Variants in IL1RAPL2 observed in about 807,000 individuals in gnomAD.
The protein encoded by IL1RAPL2 is interleukin 1 receptor accessory protein like 2.
A neutral mutation model predicts 44.1 loss-of-function variants in IL1RAPL2; 3 were observed. The ratio of observed to expected loss-of-function variants is 0.07; its 90% CI spans 0.03 to 0.18. The LOEUF is 0.18. Among genes scored for constraint, IL1RAPL2 ranks in the 10% least tolerant of loss-of-function variants. The pLI, the probability that IL1RAPL2 is intolerant of heterozygous loss-of-function variation, is 1.00. For missense variants in IL1RAPL2, 391 were observed against 496.4 expected (o/e 0.79, Z 2.02); for synonymous variants, 181 against 178.8 (o/e 1.01, Z -0.10).
chrX:105,497,149 GTATCA>G (rs1277556605), intron 6 of IL1RAPL2, among the ~76,000 whole-genome samples: 1 of 111,585 alleles, frequency 9.0e-6, no homozygotes, highest in Non-Finnish European at 1.9e-5. Context: ...TCACAATAAA[GTATCA>G]TATCATCTCA....
intron 5 of IL1RAPL2, among the ~76,000 whole-genome samples, chrX:105,279,699 C>T (rs183216018): frequency 1.8e-5 from 2 of 111,687 alleles, no homozygotes; most frequent in African/African-American, 3.3e-5. Flanking sequence ...AGGATGGTCT[C>T]GATCTCTTGA....
intron 2 of IL1RAPL2, among the ~76,000 whole-genome samples, chrX:104,943,979 G>C (rs750270417): frequency 1.8e-5 from 2 of 111,227 alleles, no homozygotes; most frequent in Non-Finnish European, 3.8e-5. Flanking sequence ...ATTATTTTTG[G>C]TGACCCTAAA....
intron 5 of IL1RAPL2, among the ~76,000 whole-genome samples, chrX:105,339,425 A>G (rs1376664849): frequency 1.8e-5 from 2 of 112,053 alleles, no homozygotes; most frequent in Non-Finnish European, 3.8e-5. Flanking sequence ...TTAATAATAT[A>G]TGGAGCATTT....
At chrX:105,695,426 AT>A (rs2038069089) in intron 6 of IL1RAPL2, among the ~76,000 whole-genome samples, 1 of 111,953 alleles carries the variant, frequency 8.9e-6, no homozygotes, top group African/African-American at 3.2e-5. Flanking sequence ...GCTAGATGAT[AT>A]TAGCCTATGG....
intron 5 of IL1RAPL2, among the ~76,000 whole-genome samples, chrX:105,447,322 AAT>A (rs1181200771): frequency 6.3e-5 from 4 of 63,294 alleles, no homozygotes; most frequent in African/African-American, 1.3e-4. Flanking sequence ...AATATATATA[AAT>A]ATATATAAAA....
intron 2 of IL1RAPL2, among the ~76,000 whole-genome samples, chrX:104,711,534 A>G (rs1163623676): frequency 9.0e-6 from 1 of 110,699 alleles, no homozygotes; most frequent in Admixed American, 9.7e-5. Context: ...GTATAGGAAA[A>G]TAATGAAAGA....
rs768048153 is a variant in IL1RAPL2 at position 105,717,335 on chromosome X, C to T, written c.773-32C>T. ...CTGTCTCCCACTGATAATCAGGAGT[C>T]ATTTGCTCATTTCTTTTTCTCTCAT... is the stretch of plus-strand genomic sequence containing the variant. On this transcript the variant is annotated intron_variant, in intron 6 of 10. Transcript: ENST00000372582. 67 of 1,148,871 alleles carry T rather than the reference C, an allele frequency of 5.8e-5. No homozygotes were observed. The Middle Eastern group carries it at 7.3e-4, about 13-fold the overall frequency. 94.7% of individuals were successfully genotyped at this position (1,148,871 alleles called of 1,213,427 possible). A position where few individuals can be genotyped will look rare whatever the true frequency, so the allele number is the denominator to read the frequency against.
At chrX:105,519,915 T>C (rs1361792786) in intron 6 of IL1RAPL2, among the ~76,000 whole-genome samples, 1 of 111,986 alleles carries the variant, frequency 8.9e-6, no homozygotes, top group Non-Finnish European at 1.9e-5. Flanking sequence ...TGAAAAACTC[T>C]GCATTCTATT....
At chrX:105,349,493 G>C (rs772299616) in intron 5 of IL1RAPL2, among the ~76,000 whole-genome samples, 19 of 111,709 alleles carry the variant, frequency 1.7e-4, no homozygotes, top group Non-Finnish European at 3.4e-4. Flanking sequence ...AAGTATAATG[G>C]TATGAGAATT....
At chrX:105,599,610 CT>C (rs915527898) in intron 6 of IL1RAPL2, among the ~76,000 whole-genome samples, 1 of 110,997 alleles carries the variant, frequency 9.0e-6, no homozygotes. Flanking sequence ...ATATTTCAAT[CT>C]TTTTTTAAAA....
chrX:104,707,630 G>A (rs73243896), intron 2 of IL1RAPL2, among the ~76,000 whole-genome samples: 2 of 111,418 alleles, frequency 1.8e-5, no homozygotes, highest in Non-Finnish European at 3.8e-5. Context: ...GGTGTTTATA[G>A]CTATTAACTG....
chrX:105,158,414 A>T, intron 2 of IL1RAPL2, among the ~76,000 whole-genome samples: 1 of 112,151 alleles, frequency 8.9e-6, no homozygotes, highest in Admixed American at 9.4e-5. Flanking sequence ...CAGTCTTCAC[A>T]TGTCCAAAAC....
intron 5 of IL1RAPL2, among the ~76,000 whole-genome samples, chrX:105,298,233 G>C (rs1170477203): frequency 8.9e-6 from 1 of 111,757 alleles, no homozygotes; most frequent in Non-Finnish European, 1.9e-5. Context: ...CTGGAACTTA[G>C]TTCTCTTATC....
At chrX:105,221,315 A>G (rs1346326458) in intron 3 of IL1RAPL2, among the ~76,000 whole-genome samples, 5 of 110,562 alleles carry the variant, frequency 4.5e-5, no homozygotes, top group African/African-American at 1.6e-4. Context: ...CTACAGACAC[A>G]TACAATCAGA....
At chrX:105,211,923 TA>T (rs1556158455) in intron 3 of IL1RAPL2, among the ~76,000 whole-genome samples, 1 of 112,142 alleles carries the variant, frequency 8.9e-6, no homozygotes, top group Non-Finnish European at 1.9e-5. Context: ...GGGACAATGC[TA>T]CCCAGCTGGG....
rs769279806 is a variant in IL1RAPL2, at chrX:104,654,291, T to A, written c.-19-4604T>A. Among the ~76,000 whole-genome samples, 10 of 111,521 alleles carry A rather than the reference T, an allele frequency of 9.0e-5. No homozygotes were observed. The East Asian group carries it at 2.5e-3, about 28-fold the overall frequency. ...TGTAAATGCTGATCAGTCTTATGAATAAAACAAACAAAGAGGTGAGCTAGA... is the reference window on the plus strand; with the variant it reads ...TGTAAATGCTGATCAGTCTTATGAAAAAAACAAACAAAGAGGTGAGCTAGA... On this transcript the variant is annotated intron_variant, in intron 1 of 10. Coordinates refer to ENST00000372582, the MANE Select transcript of IL1RAPL2 (RefSeq NM_017416.2).
intron 6 of IL1RAPL2, among the ~76,000 whole-genome samples, chrX:105,556,872 C>CA (rs2036900379): frequency 1.8e-5 from 2 of 111,396 alleles, no homozygotes; most frequent in South Asian, 3.7e-4. Flanking sequence ...GAAACAAATA[C>CA]AAAAAATAAA....
chrX:105,275,210 C>CAA (rs71914725), intron 5 of IL1RAPL2, among the ~76,000 whole-genome samples: 2 of 94,199 alleles, frequency 2.1e-5, no homozygotes, highest in Middle Eastern at 5.2e-3. Flanking sequence ...GACTCCATCT[C>CAA]AAAAAAAAAA....
At chrX:105,478,931 C>G (rs2036215349) in intron 5 of IL1RAPL2, among the ~76,000 whole-genome samples, 1 of 111,805 alleles carries the variant, frequency 8.9e-6, no homozygotes, top group African/African-American at 3.3e-5. Flanking sequence ...GTTAGGAAGA[C>G]AAGACATACC....
Sources: gnomAD v4.1 joint callset for allele counts (sites outside exome capture counted in the v4.1 genomes callset) on GRCh38, gnomAD v4.1.1 for gene constraint, MANE v1.5 for transcripts, NCBI Gene and HGNC (gene_info 2026-07-23, HGNC 2026-07-21) for gene names.